ZNF724: variants seen among roughly 807,000 people sequenced by gnomAD.
ZNF724 encodes zinc finger protein 724.
A neutral mutation model predicts 29.3 loss-of-function variants in ZNF724; 14 were observed. That is an observed-to-expected ratio of 0.48 (90% CI 0.32 to 0.75). The LOEUF is 0.75. ZNF724 is among the 30% of genes least tolerant of loss of function. The pLI is 0.04. For synonymous variants in ZNF724, 180 were observed against 193.6 expected (o/e 0.93, Z 0.58); for missense variants, 557 against 571.2 (o/e 0.98, Z 0.25).
At chr19:23,227,374 A>C (rs1369181356) in intron 3 of ZNF724, among the ~76,000 whole-genome samples, 1 of 151,192 alleles carries the variant, frequency 6.6e-6, no homozygotes, top group Non-Finnish European at 1.5e-5. Context: ...GGCCAACATG[A>C]TGAAACCCCA....
intron 3 of ZNF724, among the ~76,000 whole-genome samples, chr19:23,228,902 A>C (rs2145776315): frequency 6.6e-6 from 1 of 151,868 alleles, no homozygotes; most frequent in East Asian, 2.0e-4. Flanking sequence ...ACTTCCAAAA[A>C]AAAAAAAAAA....
chr19:23,233,331 A>AT lies in ZNF724; in HGVS notation c.4-1039dup, dbSNP rs568424186. ...CCTAGAGAACAGGTATCTCCTGATA[A>AT]TTTTTTTCAGAACTTTCTGAGTAAT... On this transcript the variant is annotated intron_variant, in intron 1 of 3. Coordinates refer to ENST00000418100, the MANE Select transcript of ZNF724 (RefSeq NM_001355404.2). Among the ~76,000 whole-genome samples, 24 of 151,406 alleles carry AT rather than the reference A, an allele frequency of 1.6e-4. 2 individuals carry two copies. In the South Asian group the frequency reaches 4.8e-3, roughly 30 times the overall value.
In ZNF724 at chr19:23,223,822, C is replaced by G; in HGVS notation, c.423G>C (p.Gln141His). The change falls in exon 4 of 4, where the codon CAG becomes CAC. Residue 141 changes from glutamine (Q) to histidine (H), a missense_variant. Transcript: ENST00000418100. The part of the protein sequence containing the change: ...NGFNQCLTTT[Q>H]SKIFQCDKYV... Reference sequence around the variant, plus strand: ...ATTTATCACACTGAAATATTTTGCTCTGGGTAGTTGTCAAACACTGGTTAA... The same window carrying G: ...ATTTATCACACTGAAATATTTTGCTGTGGGTAGTTGTCAAACACTGGTTAA... The G allele has an allele frequency of 1.3e-6, 1 of 779,768 alleles. No homozygotes were observed. The highest frequency in any genetic ancestry group is 2.4e-6 in the Non-Finnish European group (1 of 417,602). 48.3% of individuals were successfully genotyped at this position (779,768 alleles called of 1,614,324 possible). A position where few individuals can be genotyped will look rare whatever the true frequency, so the allele number is the denominator to read the frequency against.
chr19:23,247,726 TTC>T lies in ZNF724; in HGVS notation c.3+2512_3+2513del, dbSNP rs149379077. Among the ~76,000 whole-genome samples the T allele has an allele frequency of 3.3e-3, 508 of 152,356 alleles. 2 individuals carry two copies. The highest frequency in any genetic ancestry group is 4.6e-3 in the Non-Finnish European group (311 of 68,030). On this transcript the variant is annotated intron_variant, in intron 1 of 3. Coordinates refer to ENST00000418100, the MANE Select transcript of ZNF724 (RefSeq NM_001355404.2). ...GGAGAATCCAGCTGGCAGAAATTAT[TTC>T]TGTTTTCCCCTCAATACCAGCGTCT...
At chr19:23,227,362 C>T (rs541991014) in intron 3 of ZNF724, among the ~76,000 whole-genome samples, 1 of 151,598 alleles carries the variant, frequency 6.6e-6, no homozygotes, top group South Asian at 2.1e-4. Context: ...CGAGACCAGC[C>T]TGGCCAACAT....
intron 1 of ZNF724, among the ~76,000 whole-genome samples, chr19:23,233,488 T>C (rs1278370565): frequency 3.9e-5 from 6 of 152,084 alleles, no homozygotes; most frequent in Non-Finnish European, 7.4e-5. Context: ...CCAATAGTAA[T>C]CTTGAGTATC....
chr19:23,238,523 C>T (rs1972061796), intron 1 of ZNF724, among the ~76,000 whole-genome samples: 1 of 152,082 alleles, frequency 6.6e-6, no homozygotes, highest in Non-Finnish European at 1.5e-5. Context: ...TACATATAAG[C>T]AAAATGCTTC....
At chr19:23,231,759 A>AG (rs1270445387) in intron 2 of ZNF724, among the ~76,000 whole-genome samples, 16 of 150,870 alleles carry the variant, frequency 1.1e-4, no homozygotes, top group African/African-American at 3.7e-4. Flanking sequence ...TTTGAGATGG[A>AG]GTCTCACTCT....
rs1341346762 is a variant in ZNF724, at chr19:23,222,995, G to C, written c.1250C>G (p.Thr417Ser). Residue 417 changes from threonine (T) to serine (S), a missense_variant, in exon 4 of 4, where the codon ACC becomes AGC. Coordinates refer to ENST00000418100, the MANE Select transcript of ZNF724 (RefSeq NM_001355404.2). ...TTCACATTTGTAGGGTTTCTCTCCG[G>C]TATGAATTCTTTTATGTGTGGTGAG... ...SHLTTHKRIH[T>S]GEKPYKCEEC... 3 of 1,370,894 alleles carry C rather than the reference G, an allele frequency of 2.2e-6. No homozygotes were observed. Among genetic ancestry groups the C allele is most frequent in the South Asian group, 2.3e-5 (2 of 85,904 alleles). The allele number at this position is 1,370,894 out of a possible 1,614,324, so 84.9% of individuals were successfully genotyped here. A position where few individuals can be genotyped will look rare whatever the true frequency, so the allele number is the denominator to read the frequency against.
At position 23,246,586 on chromosome 19, in the gene ZNF724, G is replaced by A. The variant is rs1467991847; in HGVS notation, c.3+3654C>T. ...AGGAGAATTGCTTAAACCCGGAGTC[G>A]GAGGTTGCAGTGAGCCAAGATCGCA... On this transcript the variant is annotated intron_variant, in intron 1 of 3. Transcript: ENST00000418100. Among the ~76,000 whole-genome samples, 7 of 151,860 alleles carry A rather than the reference G, an allele frequency of 4.6e-5. No individual in the cohort carries two copies. The East Asian group carries it at 5.8e-4, about 13-fold the overall frequency.
At chr19:23,229,184 G>A (rs559738049) in intron 3 of ZNF724, among the ~76,000 whole-genome samples, 53 of 152,238 alleles carry the variant, frequency 3.5e-4, no homozygotes, top group African/African-American at 1.3e-3. Context: ...ATTCATTCAG[G>A]TGGTAAACTA....
chr19:23,237,816 A>G (rs1972048181), intron 1 of ZNF724, among the ~76,000 whole-genome samples: 1 of 152,154 alleles, frequency 6.6e-6, no homozygotes, highest in Non-Finnish European at 1.5e-5. Context: ...AGCAGTAAAT[A>G]GGAACCAAAG....
intron 1 of ZNF724, among the ~76,000 whole-genome samples, chr19:23,246,023 C>G (rs1412398107): frequency 1.3e-5 from 2 of 151,982 alleles, no homozygotes; most frequent in Non-Finnish European, 2.9e-5. Context: ...GGGAGGCTCC[C>G]CAGGAAGAAC....
At chr19:23,230,489 A>G (rs1568340531) in intron 3 of ZNF724, among the ~76,000 whole-genome samples, 2 of 41,932 alleles carry the variant, frequency 4.8e-5, no homozygotes, top group Non-Finnish European at 1.1e-4. Flanking sequence ...ATATTTCAAG[A>G]CTATAGTATA....
At chr19:23,233,587 A>G (rs1971975419) in intron 1 of ZNF724, among the ~76,000 whole-genome samples, 1 of 152,168 alleles carries the variant, frequency 6.6e-6, no homozygotes, top group Admixed American at 6.5e-5. Context: ...AAGGCATATA[A>G]AAAGCCAAAA....
At chr19:23,224,776 G>A (rs886852500) in intron 3 of ZNF724, among the ~76,000 whole-genome samples, 3 of 152,000 alleles carry the variant, frequency 2.0e-5, no homozygotes, top group African/African-American at 7.3e-5. Context: ...CCAATATGGC[G>A]AAACCCCGTC....
chr19:23,246,361 TA>T (rs1245991623), intron 1 of ZNF724, among the ~76,000 whole-genome samples: 1 of 152,116 alleles, frequency 6.6e-6, no homozygotes, highest in African/African-American at 2.4e-5. Flanking sequence ...TTTTGTCTTA[TA>T]AAATTTAGCA....
At chr19:23,228,406 A>G (rs905417626) in intron 3 of ZNF724, among the ~76,000 whole-genome samples, 3 of 151,392 alleles carry the variant, frequency 2.0e-5, no homozygotes, top group African/African-American at 7.3e-5. Context: ...GTGAGCCAAG[A>G]TCGGGCCACT....
At chr19:23,228,852 T>C (rs1289905826) in intron 3 of ZNF724, among the ~76,000 whole-genome samples, 1 of 149,492 alleles carries the variant, frequency 6.7e-6, no homozygotes, top group East Asian at 2.0e-4. Flanking sequence ...ATTGAGCCAC[T>C]GCACTCCAGC....
Sources: allele counts gnomAD v4.1 joint callset (sites outside exome capture counted in the v4.1 genomes callset), GRCh38; gene constraint gnomAD v4.1.1; transcripts MANE v1.5; gene names NCBI Gene and HGNC (gene_info 2026-07-23, HGNC 2026-07-21).